Variants in ANXA6 observed in about 807,000 individuals in gnomAD.
ANXA6 encodes annexin A6, also known as 67 kDa calelectrin.
Under a neutral mutation model 95.4 loss-of-function variants are expected in ANXA6, and 71 were observed. The observed-to-expected ratio is 0.74, with a 90% CI of 0.61 to 0.91. The LOEUF is 0.91. ANXA6 is among the 40% of genes least tolerant of loss of function. The pLI is 0.00. For missense variants in ANXA6, 830 were observed against 876.4 expected, an observed-to-expected ratio of 0.95 and a Z score of 0.67; for synonymous variants, 289 against 315.9, an observed-to-expected ratio of 0.91 and a Z score of 0.90.
intron 2 of ANXA6, among the ~76,000 whole-genome samples, chr5:151,144,289 A>G (rs971603355): frequency 5.3e-5 from 8 of 152,172 alleles, no homozygotes; most frequent in Non-Finnish European, 7.3e-5. Flanking sequence ...CTTGCCTTGT[A>G]TGTAGATTAA....
At chr5:151,154,295 G>GTATATATATATATATATATA (rs58268342) in intron 1 of ANXA6, among the ~76,000 whole-genome samples, 18 of 139,006 alleles carry the variant, frequency 1.3e-4, no homozygotes, top group Non-Finnish European at 1.9e-4. Context: ...GCAGTTTGCA[G>GTATATATATATATATATATA]TATATATATA....
In ANXA6 at chr5:151,129,533, C is replaced by A. The variant is rs1322998083; in HGVS notation, c.796-4G>T. 7.5e-6 allele frequency: 12 copies of A among 1,597,948 alleles called. No homozygotes were observed. The highest frequency in any genetic ancestry group is 1.7e-5 in the Admixed American group (1 of 57,690). On this transcript the variant is annotated splice_polypyrimidine_tract_variant and splice_region_variant and intron_variant, in intron 11 of 25. Transcript: ENST00000354546. ...TGTTGTCCCGAGTCCCCAGGCCCTG[C>A]AAGACAAGTGGGTTTGGGGAACATG...
intron 22 of ANXA6, among the ~76,000 whole-genome samples, chr5:151,109,049 G>A (rs1179519381): frequency 6.6e-6 from 1 of 152,112 alleles, no homozygotes; most frequent in Non-Finnish European, 1.5e-5. Flanking sequence ...ATCATCTCGG[G>A]TAGAGCTAAA....
chr5:151,104,589 G>A (rs112601493), intron 24 of ANXA6, among the ~76,000 whole-genome samples: 12 of 152,344 alleles, frequency 7.9e-5, no homozygotes, highest in African/African-American at 2.4e-4. Context: ...TTGACACATC[G>A]TGAGTGCTCA....
chr5:151,141,584 T>C (rs1330310428), intron 2 of ANXA6: 23 of 985,304 alleles, frequency 2.3e-5, no homozygotes, highest in Non-Finnish European at 2.7e-5. Flanking sequence ...CCTCCCCCTC[T>C]CCCCGTCTCC....
intron 2 of ANXA6, among the ~76,000 whole-genome samples, chr5:151,143,618 A>G (rs1319121363): frequency 6.6e-6 from 1 of 152,084 alleles, no homozygotes; most frequent in Admixed American, 6.6e-5. Flanking sequence ...ACTACAAGAC[A>G]GTGTGGCAGA....
chr5:151,144,788 G>A (rs12153336), intron 2 of ANXA6, among the ~76,000 whole-genome samples: 14,193 of 152,044 alleles, frequency 0.093, 835 homozygotes, highest in South Asian at 0.17. Flanking sequence ...TTCTTTGCAC[G>A]GGACTAATAA....
At chr5:151,111,244 A>C (rs7724316) in intron 20 of ANXA6, among the ~76,000 whole-genome samples, 8 of 152,116 alleles carry the variant, frequency 5.3e-5, no homozygotes, top group Non-Finnish European at 8.8e-5. Context: ...TATGCAGAGC[A>C]CAAAATTCTG....
At chr5:151,113,122 C>T (rs1764896504) in intron 20 of ANXA6, among the ~76,000 whole-genome samples, 4 of 152,104 alleles carry the variant, frequency 2.6e-5, no homozygotes, top group Admixed American at 2.6e-4. Context: ...AATGATTGGC[C>T]AGGCATGATG....
chr5:151,138,641 T>A, intron 5 of ANXA6, 37 bp downstream of exon 5: 2 of 1,485,210 alleles, frequency 1.3e-6, no homozygotes, highest in South Asian at 2.3e-5. Flanking sequence ...ATTAACCACA[T>A]CCCCACCCCA....
At chr5:151,101,990 C>G (rs558018376) in intron 25 of ANXA6, among the ~76,000 whole-genome samples, 1 of 152,344 alleles carries the variant, frequency 6.6e-6, no homozygotes, top group East Asian at 1.9e-4. Flanking sequence ...CTTGGCATAT[C>G]GTGTTAGGTG....
intron 5 of ANXA6, 141 bp downstream of exon 5, chr5:151,138,536 CT>C: frequency 1.6e-6 from 1 of 639,778 alleles, no homozygotes; most frequent in South Asian, 1.9e-5. Context: ...GGATGCTCCT[CT>C]GGGATAAATT....
At chr5:151,145,086 A>G (rs1765940768) in intron 2 of ANXA6, among the ~76,000 whole-genome samples, 1 of 152,286 alleles carries the variant, frequency 6.6e-6, no homozygotes, top group East Asian at 1.9e-4. Flanking sequence ...GGAACCCAGG[A>G]TCAAGGCAGG....
intron 17 of ANXA6, among the ~76,000 whole-genome samples, chr5:151,121,306 G>A (rs1273317110): frequency 6.6e-6 from 1 of 152,174 alleles, no homozygotes; most frequent in Non-Finnish European, 1.5e-5. Context: ...GTAAAATGGG[G>A]ACAAAATAAG....
chr5:151,156,765 C>A (rs930493584), intron 1 of ANXA6, among the ~76,000 whole-genome samples: 8 of 152,134 alleles, frequency 5.3e-5, no homozygotes, highest in African/African-American at 1.9e-4. Flanking sequence ...CCAGGCTTCC[C>A]AAATCTATAA....
chr5:151,152,386 G>A (rs919709096), intron 1 of ANXA6, among the ~76,000 whole-genome samples: 7 of 152,178 alleles, frequency 4.6e-5, no homozygotes, highest in African/African-American at 1.4e-4. Flanking sequence ...TGTGGTCGAT[G>A]CCCAAGTTCA....
chr5:151,128,797 C>G (rs1453477200), intron 12 of ANXA6, among the ~76,000 whole-genome samples: 1 of 152,190 alleles, frequency 6.6e-6, no homozygotes, highest in African/African-American at 2.4e-5. Flanking sequence ...GCTTATTTAT[C>G]TTTGCTTATT....
chr5:151,124,145 AG>A (rs1249756439), intron 15 of ANXA6, 140 bp downstream of exon 15: 5 of 723,152 alleles, frequency 6.9e-6, no homozygotes, highest in Non-Finnish European at 9.6e-6. Flanking sequence ...GGGAGCTAGG[AG>A]GGTGGAAACT....
intron 7 of ANXA6, 145 bp from the exon 8 acceptor site, chr5:151,134,628 C>T (rs146230147): frequency 1.3e-6 from 1 of 798,084 alleles, no homozygotes; most frequent in Non-Finnish European, 2.2e-6. Flanking sequence ...GCATGAAGAC[C>T]ACAGTATCTA....
Sources: allele counts gnomAD v4.1 joint callset (sites outside exome capture counted in the v4.1 genomes callset), GRCh38; gene constraint gnomAD v4.1.1; transcripts MANE v1.5; gene names NCBI Gene and HGNC (gene_info 2026-07-23, HGNC 2026-07-21).